Variants in STX16 observed in about 807,000 individuals in gnomAD.
STX16 encodes the protein syntaxin-16.
STX16 carries 28 observed loss-of-function variants against 42.7 expected under a neutral mutation model. The observed-to-expected ratio is 0.66, with a 90% CI of 0.49 to 0.90. STX16 has a LOEUF of 0.90. STX16 is among the 40% of genes least tolerant of loss of function. The pLI, the probability that STX16 is intolerant of heterozygous loss-of-function variation, is 0.00. For missense variants in STX16, 361 were observed against 420.9 expected (o/e 0.86, Z 1.24); for synonymous variants, 156 against 155.2 (o/e 1.00, Z -0.04).
chr20:58,664,914 G>A (rs974614354), intron 2 of STX16, among the ~76,000 whole-genome samples: 1 of 152,230 alleles, frequency 6.6e-6, no homozygotes, highest in Non-Finnish European at 1.5e-5. Flanking sequence ...ATAAACTGGT[G>A]TAGTGGAAAT....
chr20:58,663,397 T>C (rs938762163), intron 2 of STX16, among the ~76,000 whole-genome samples: 1 of 152,252 alleles, frequency 6.6e-6, no homozygotes, highest in African/African-American at 2.4e-5. Flanking sequence ...TGGTACTCTT[T>C]AAATGGACAA....
At position 58,651,740 on chromosome 20, in the gene STX16, A is replaced by G. The variant is rs2083460014; in HGVS notation, c.-267A>G. ...CTCTGGGACGTTGGATCGCTACGCA[A>G]GGATTGGGGGGATTCAAGTGCTTAG... On this transcript the variant is annotated 5_prime_UTR_variant, in exon 1 of 9. Coordinates refer to ENST00000371141, the MANE Select transcript of STX16 (RefSeq NM_001001433.3). 1 of 366,312 alleles carries G rather than the reference A, an allele frequency of 2.7e-6. No homozygotes were observed. The highest frequency in any genetic ancestry group is 2.1e-5 in the African/African-American group (1 of 48,212). 22.7% of individuals were successfully genotyped at this position (366,312 alleles called of 1,614,324 possible).
intron 1 of STX16, among the ~76,000 whole-genome samples, chr20:58,654,180 A>G (rs978283714): frequency 5.3e-5 from 8 of 152,166 alleles, no homozygotes; most frequent in Non-Finnish European, 7.4e-5. Flanking sequence ...TGAAAATGTT[A>G]ATATTTATAT....
intron 2 of STX16, among the ~76,000 whole-genome samples, chr20:58,665,235 A>G (rs1181222039): frequency 1.3e-5 from 2 of 152,208 alleles, no homozygotes; most frequent in Admixed American, 1.3e-4. Context: ...CTGTCCACGG[A>G]TGGTCAGTAA....
intron 2 of STX16, among the ~76,000 whole-genome samples, chr20:58,662,591 A>G (rs1355201988): frequency 6.6e-6 from 1 of 152,090 alleles, no homozygotes; most frequent in African/African-American, 2.4e-5. Flanking sequence ...GCTCACTGCA[A>G]CCTCTGCCTC....
intron 7 of STX16, among the ~76,000 whole-genome samples, chr20:58,671,782 T>C (rs547166625): frequency 1.3e-5 from 2 of 152,220 alleles, no homozygotes; most frequent in South Asian, 4.1e-4. Flanking sequence ...AATAATAATA[T>C]GATATATGAT....
intron 1 of STX16, among the ~76,000 whole-genome samples, chr20:58,656,930 G>C (rs889006141): frequency 9.9e-5 from 15 of 152,148 alleles, no homozygotes; most frequent in African/African-American, 3.4e-4. Context: ...ATACAGATAA[G>C]GAAACAGATT....
intron 6 of STX16, among the ~76,000 whole-genome samples, chr20:58,670,876 A>G (rs899303467): frequency 6.6e-6 from 1 of 152,192 alleles, no homozygotes; most frequent in Non-Finnish European, 1.5e-5. Context: ...ACAGAGGGCT[A>G]TCCCGGGGGT....
In STX16 at chr20:58,652,371, A is replaced by AC. The variant is rs11481928; in HGVS notation, c.132+244dup. ...CCGGTCTTCTCCTCACTTCCGCAGC[A>AC]CCCCCCCCCCCGCACCCCCCGCCTT... is the stretch of plus-strand genomic sequence containing the variant. On this transcript the variant is annotated intron_variant, in intron 1 of 8. Coordinates refer to ENST00000371141, the MANE Select transcript of STX16 (RefSeq NM_001001433.3). 101,660 of 455,454 alleles carry AC rather than the reference A, an allele frequency of 0.22. 3,296 individuals are homozygous for AC. Among genetic ancestry groups the AC allele is most frequent in the Admixed American group, 0.27 (9,037 of 33,752 alleles). The allele number at this position is 455,454 out of a possible 1,614,324, so 28.2% of individuals were successfully genotyped here. A position where few individuals can be genotyped will look rare whatever the true frequency, so the allele number is the denominator to read the frequency against.
In STX16 at chr20:58,667,428, A is replaced by G; in HGVS notation, c.145-62A>G. 4 of 1,278,494 alleles carry G rather than the reference A, an allele frequency of 3.1e-6. No homozygotes were observed. The South Asian group carries it at 4.9e-5, about 16-fold the overall frequency. 79.2% of individuals were successfully genotyped at this position (1,278,494 alleles called of 1,614,324 possible). A position where few individuals can be genotyped will look rare whatever the true frequency, so the allele number is the denominator to read the frequency against. ...AGGGAGTAACATTTAAGAGAGAGTA[A>G]GAGTATTTGTATCTAAATTGGATTA... On this transcript the variant is annotated intron_variant, in intron 2 of 8. Coordinates refer to ENST00000371141, the MANE Select transcript of STX16 (RefSeq NM_001001433.3).
intron 2 of STX16, among the ~76,000 whole-genome samples, chr20:58,665,557 A>G (rs1410171379): frequency 3.9e-5 from 6 of 152,304 alleles, no homozygotes; most frequent in African/African-American, 1.4e-4. Flanking sequence ...GGTTAGAATA[A>G]TAGTTTCTAA....
intron 2 of STX16, among the ~76,000 whole-genome samples, chr20:58,661,536 T>A (rs17452311): frequency 0.014 from 2,149 of 152,378 alleles, 38 homozygotes; most frequent in South Asian, 0.035. Context: ...CATTTCCTTG[T>A]GCGTTTCACT....
rs750763796 is a variant in STX16 at position 58,673,735 on chromosome 20, G to T, written c.873+24G>T. ...AGGTAATATGTCTTTCAAGACTTGG[G>T]AATCTTAGGAACTATTTTCAAATAA... On this transcript the variant is annotated intron_variant, in intron 8 of 8. Transcript: ENST00000371141. 1.3e-5 allele frequency: 19 copies of T among 1,513,308 alleles called. No homozygotes were observed. The South Asian group carries it at 2.1e-4, about 17-fold the overall frequency. The allele number at this position is 1,513,308 out of a possible 1,614,324, so 93.7% of individuals were successfully genotyped here. A position where few individuals can be genotyped will look rare whatever the true frequency, so the allele number is the denominator to read the frequency against.
chr20:58,667,701 A>C (rs555329106), intron 3 of STX16, 104 bp downstream of exon 3: 1 of 1,042,218 alleles, frequency 9.6e-7, no homozygotes, highest in Admixed American at 2.1e-5. Context: ...ACTTGAATGT[A>C]TATTTCTAGA....
At chr20:58,671,653 A>C (rs1324838161) in intron 7 of STX16, among the ~76,000 whole-genome samples, 1 of 152,122 alleles carries the variant, frequency 6.6e-6, no homozygotes, top group Non-Finnish European at 1.5e-5. Context: ...TAGCAGTTTA[A>C]CAGTTACATG....
chr20:58,662,062 T>C (rs1260779121), intron 2 of STX16, among the ~76,000 whole-genome samples: 1 of 152,234 alleles, frequency 6.6e-6, no homozygotes, highest in African/African-American at 2.4e-5. Flanking sequence ...GAGCCCACCA[T>C]TGGTTCTCTT....
chr20:58,658,205 G>A (rs1478243260), intron 1 of STX16, among the ~76,000 whole-genome samples: 2 of 152,166 alleles, frequency 1.3e-5, no homozygotes, highest in Non-Finnish European at 2.9e-5. Context: ...AAATGCCAGG[G>A]AGCCGCTGCA....
At chr20:58,669,960 A>T (rs903477174) in intron 5 of STX16, among the ~76,000 whole-genome samples, 14 of 152,190 alleles carry the variant, frequency 9.2e-5, no homozygotes, top group African/African-American at 3.4e-4. Flanking sequence ...AAATAGTGCA[A>T]AGCCAGATTT....
chr20:58,672,088 T>G (rs2083991627), intron 7 of STX16, among the ~76,000 whole-genome samples: 1 of 151,996 alleles, frequency 6.6e-6, no homozygotes, highest in African/African-American at 2.4e-5. Flanking sequence ...ATCCCAGCAC[T>G]TTGGGGGGCT....
Sources: allele counts gnomAD v4.1 joint callset (sites outside exome capture counted in the v4.1 genomes callset), GRCh38; gene constraint gnomAD v4.1.1; transcripts MANE v1.5; gene names NCBI Gene and HGNC (gene_info 2026-07-23, HGNC 2026-07-21).